ABHD1: variants seen among roughly 807,000 people sequenced by gnomAD.
ABHD1 encodes protein ABHD1.
A neutral mutation model predicts 41.4 loss-of-function variants in ABHD1; 47 were observed. The observed-to-expected ratio is 1.13, with a 90% CI of 0.90 to 1.45. ABHD1 has a LOEUF of 1.45. ABHD1 is among the 40% of genes most tolerant of loss of function. The pLI, the probability that ABHD1 is intolerant of heterozygous loss-of-function variation, is 0.00. For synonymous variants in ABHD1, 205 were observed against 203.7 expected, an observed-to-expected ratio of 1.01 and a Z score of -0.05; for missense variants, 550 against 503.4, an observed-to-expected ratio of 1.09 and a Z score of -0.89.
Position 27,127,236 on chromosome 2 carries a change from C to CTTTT in ABHD1, c.115-1182_115-1179dup, listed in dbSNP as rs61505752. On this transcript the variant is annotated intron_variant, in intron 1 of 8. Coordinates refer to ENST00000316470, the MANE Select transcript of ABHD1 (RefSeq NM_032604.4). ...TAGGAAGAAGACAGTGTAGCTTCAT[C>CTTTT]TTTTTTTTTTTTTTTTTTTTTTTTT... Among the ~76,000 whole-genome samples, 288 of 82,732 alleles carry CTTTT rather than the reference C, an allele frequency of 3.5e-3. 13 individuals carry two copies. The highest frequency in any genetic ancestry group is 0.012 in the African/African-American group (273 of 23,710). The allele number at this position is 82,732 out of a possible 152,430, so 54.3% of individuals were successfully genotyped here.
chr2:27,129,065 T>C lies in ABHD1; in HGVS notation c.396T>C (p.Thr132=). The C allele has an allele frequency of 6.2e-7, 1 of 1,614,082 alleles. No homozygotes were observed. Among genetic ancestry groups the C allele is most frequent in the South Asian group, 1.1e-5 (1 of 91,082 alleles). The change falls in exon 3 of 9, where the codon ACT becomes ACC. Residue 132 remains threonine, a synonymous_variant. Transcript: ENST00000316470. The part of the protein sequence containing the change: ...QPIVLLLPGI[T]GSSQETYVLH... The stretch of plus-strand genomic sequence containing the variant: ...TTGTGCTGCTGCTTCCTGGCATCAC[T>C]GGCAGTAGCCAGGAGACATACGTCT...
At chr2:27,129,725 C>G (rs765827051) in intron 5 of ABHD1, 29 bp from the exon 6 acceptor site, 1 of 1,612,860 alleles carries the variant, frequency 6.2e-7, no homozygotes, top group Admixed American at 1.7e-5. Flanking sequence ...GCAAACCCTT[C>G]TTTCATGGTC....
Position 27,128,552 on chromosome 2 carries a change from A to T in ABHD1, c.226A>T (p.Ser76Cys). ...GTGGTGTTTTGAGGGGCGACTACAA[A>T]GCATCTTCCAAGTCCTCCTGCAGTC... ...TLWCFEGRLQ[S>C]IFQVLLQSQP... The change falls in exon 2 of 9, where the codon AGC (serine) becomes TGC (cysteine). Residue 76 changes from serine (S) to cysteine (C), a missense_variant. Coordinates refer to ENST00000316470, the MANE Select transcript of ABHD1 (RefSeq NM_032604.4). 6.2e-7 allele frequency: 1 copy of T among 1,614,132 alleles called. No homozygotes were observed. Among genetic ancestry groups the T allele is most frequent in the Non-Finnish European group, 8.5e-7 (1 of 1,180,020 alleles).
chr2:27,127,597 C>T (rs559707190), intron 1 of ABHD1, among the ~76,000 whole-genome samples: 10 of 147,490 alleles, frequency 6.8e-5, no homozygotes, highest in African/African-American at 2.5e-4. Flanking sequence ...GTGTCTCGCT[C>T]TATCACCAGG....
Sources: allele counts gnomAD v4.1 joint callset (sites outside exome capture counted in the v4.1 genomes callset), GRCh38; gene constraint gnomAD v4.1.1; transcripts MANE v1.5; gene names NCBI Gene and HGNC (gene_info 2026-07-23, HGNC 2026-07-21).